The following TNKS variants were observed in gnomAD, a reference collection of about 807,000 sequenced individuals.
TNKS encodes poly [ADP-ribose] polymerase tankyrase-1.
In TNKS, 72 loss-of-function variants were observed where a neutral mutation model predicts 135.8. The ratio of observed to expected loss-of-function variants is 0.53; its 90% CI spans 0.44 to 0.64. The LOEUF (loss-of-function observed/expected upper bound fraction) is 0.64, where lower values mean the gene tolerates loss of function less well. Ranked by LOEUF, TNKS falls within the 30% of genes least tolerant of loss-of-function variation. The pLI, the probability that TNKS is intolerant of heterozygous loss-of-function variation, is 0.00. For missense variants in TNKS, 1,769 were observed against 1,674.0 expected, an observed-to-expected ratio of 1.06 and a Z score of -0.99; for synonymous variants, 849 against 649.3, an observed-to-expected ratio of 1.31 and a Z score of -4.68.
At chr8:9,767,442 A>T (rs988682182) in intron 25 of TNKS, among the ~76,000 whole-genome samples, 12 of 152,340 alleles carry the variant, frequency 7.9e-5, no homozygotes, top group African/African-American at 2.9e-4. Context: ...GGTTAATAAG[A>T]TACTTTGTAA....
intron 5 of TNKS, among the ~76,000 whole-genome samples, chr8:9,701,296 C>T (rs79358565): frequency 0.029 from 4,408 of 152,188 alleles, 75 homozygotes; most frequent in Middle Eastern, 0.058. Context: ...AACTTTTGTT[C>T]ATTTTCAGGA....
chr8:9,735,527 G>T (rs376992823), intron 17 of TNKS, 41 bp downstream of exon 17: 2 of 1,536,418 alleles, frequency 1.3e-6, no homozygotes, highest in Non-Finnish European at 1.8e-6. Context: ...CTGACCGCAC[G>T]CGGTGGCTCA....
At chr8:9,709,005 T>C (rs1000130940) in intron 9 of TNKS, among the ~76,000 whole-genome samples, 2 of 152,122 alleles carry the variant, frequency 1.3e-5, no homozygotes, top group African/African-American at 2.4e-5. Context: ...TTTCTTCAAA[T>C]GCACTTTCGG....
At chr8:9,697,631 T>G (rs575535642) in intron 5 of TNKS, among the ~76,000 whole-genome samples, 4 of 152,108 alleles carry the variant, frequency 2.6e-5, no homozygotes, top group Admixed American at 6.6e-5. Context: ...GCAAAGGACA[T>G]GAACAGACAT....
intron 2 of TNKS, among the ~76,000 whole-genome samples, chr8:9,607,152 T>G: frequency 6.6e-6 from 1 of 152,220 alleles, no homozygotes; most frequent in Non-Finnish European, 1.5e-5. Flanking sequence ...TTATTTCATT[T>G]AGCAAATAGC....
chr8:9,560,489 T>G (rs963550467), intron 1 of TNKS, among the ~76,000 whole-genome samples: 1 of 140,284 alleles, frequency 7.1e-6, no homozygotes, highest in African/African-American at 2.6e-5. Flanking sequence ...ATGGCCATAC[T>G]TGTCTTTTTT....
intron 3 of TNKS, among the ~76,000 whole-genome samples, chr8:9,652,303 T>C (rs921203969): frequency 6.6e-6 from 1 of 152,202 alleles, no homozygotes; most frequent in Non-Finnish European, 1.5e-5. Context: ...GGTTCTATCT[T>C]TTTTGGTATA....
At chr8:9,658,480 A>T (rs1487065198) in intron 3 of TNKS, 1 of 673,420 alleles carries the variant, frequency 1.5e-6, no homozygotes, top group Non-Finnish European at 2.3e-6. Context: ...TATCCAGCCA[A>T]ACTAAGCTTC....
intron 11 of TNKS, among the ~76,000 whole-genome samples, chr8:9,716,114 A>G (rs1415627009): frequency 2.0e-5 from 3 of 152,222 alleles, no homozygotes; most frequent in Non-Finnish European, 2.9e-5. Flanking sequence ...GTTCATATTC[A>G]TATGTCTTAA....
chr8:9,773,284 T>C (rs1009345764), intron 26 of TNKS, among the ~76,000 whole-genome samples: 4 of 152,178 alleles, frequency 2.6e-5, no homozygotes, highest in African/African-American at 9.7e-5. Flanking sequence ...AAAAGCAGAA[T>C]TGTTAAATAA....
chr8:9,622,455 T>C (rs1799902328), intron 3 of TNKS, among the ~76,000 whole-genome samples: 1 of 152,222 alleles, frequency 6.6e-6, no homozygotes, highest in Admixed American at 6.5e-5. Context: ...GATATTGTTA[T>C]TGTACTCATT....
chr8:9,726,365 T>C (rs1393488061), intron 12 of TNKS, among the ~76,000 whole-genome samples: 1 of 152,140 alleles, frequency 6.6e-6, no homozygotes. Flanking sequence ...ACTGCAGCCT[T>C]GGTGACAGAG....
At position 9,615,618 on chromosome 8, in the gene TNKS, A is replaced by T; in HGVS notation, c.935A>T (p.Asn312Ile). 1 of 1,613,804 alleles carries T rather than the reference A, an allele frequency of 6.2e-7. No homozygotes were observed. The highest frequency in any genetic ancestry group is 1.1e-5 in the South Asian group (1 of 90,952). ...CACGGAGCTGACCCAAACATTCGGA[A>T]CACTGATGGGAAATCAGCCCTGGAC... ...LQHGADPNIR[N>I]TDGKSALDLA... The change falls in exon 3 of 27, where the codon AAC becomes ATC. Residue 312 changes from asparagine (N) to isoleucine (I), a missense_variant. This residue lies in a region of TNKS where 523 missense variants were observed against 541.0 expected (regional missense o/e 0.97). Coordinates refer to ENST00000310430, the MANE Select transcript of TNKS (RefSeq NM_003747.3).
At chr8:9,735,513 A>G in intron 17 of TNKS, 27 bp downstream of exon 17, 2 of 1,590,532 alleles carry the variant, frequency 1.3e-6, no homozygotes, top group Non-Finnish European at 1.7e-6. Context: ...TAAAATCTAG[A>G]AAACTGACCG....
chr8:9,692,761 A>G (rs1475092617), intron 5 of TNKS, among the ~76,000 whole-genome samples: 1 of 152,202 alleles, frequency 6.6e-6, no homozygotes, highest in Non-Finnish European at 1.5e-5. Context: ...ATTTTCCACA[A>G]GGTTTCTCTT....
At chr8:9,661,330 A>G (rs1801699412) in intron 3 of TNKS, among the ~76,000 whole-genome samples, 2 of 152,188 alleles carry the variant, frequency 1.3e-5, no homozygotes, top group Non-Finnish European at 2.9e-5. Context: ...CTGACTTCAA[A>G]CTATACTACA....
chr8:9,644,107 G>A (rs1052073449), intron 3 of TNKS, among the ~76,000 whole-genome samples: 1 of 152,122 alleles, frequency 6.6e-6, no homozygotes, highest in African/African-American at 2.4e-5. Flanking sequence ...GGTTGCCAGG[G>A]CCTGAAGAGA....
At chr8:9,718,577 A>G (rs1804720831) in intron 11 of TNKS, among the ~76,000 whole-genome samples, 1 of 152,146 alleles carries the variant, frequency 6.6e-6, no homozygotes. Context: ...GTGATTTTAT[A>G]TAGTTTTACT....
chr8:9,620,112 G>A (rs901912600), intron 3 of TNKS, among the ~76,000 whole-genome samples: 4 of 152,182 alleles, frequency 2.6e-5, no homozygotes, highest in South Asian at 4.1e-4. Flanking sequence ...ACCACGCCCA[G>A]CTAATTTTTG....
Sources: gnomAD v4.1 joint callset for allele counts (sites outside exome capture counted in the v4.1 genomes callset) on GRCh38, gnomAD v4.1.1 for gene constraint, gnomAD v4.1.1 regional missense constraint, MANE v1.5 for transcripts, NCBI Gene and HGNC (gene_info 2026-07-23, HGNC 2026-07-21) for gene names.